ZNF234: variants seen among roughly 807,000 people sequenced by gnomAD.
The protein encoded by ZNF234 is zinc finger protein 234.
In ZNF234, 4 loss-of-function variants were observed where a neutral mutation model predicts 10.3. The observed-to-expected ratio is 0.39, with a 90% CI of 0.19 to 0.89. The LOEUF is 0.89. Among genes scored for constraint, ZNF234 ranks in the 40% least tolerant of loss-of-function variants. The pLI is 0.38. For synonymous variants in ZNF234, 258 were observed against 280.1 expected, an observed-to-expected ratio of 0.92 and a Z score of 0.79; for missense variants, 711 against 836.1, an observed-to-expected ratio of 0.85 and a Z score of 1.85.
intron 5 of ZNF234, among the ~76,000 whole-genome samples, chr19:44,150,923 A>G (rs1034497839): frequency 6.6e-6 from 1 of 151,600 alleles, no homozygotes; most frequent in Non-Finnish European, 1.5e-5. Flanking sequence ...AGTCCCAGCT[A>G]CTCAGGAAGC....
chr19:44,150,117 T>C (rs543738133), intron 4 of ZNF234: 4 of 184,214 alleles, frequency 2.2e-5, no homozygotes, highest in Non-Finnish European at 4.5e-5. Context: ...GCTTTTTATG[T>C]TATATAAAAA....
chr19:44,155,268 T>A (rs1362734900), intron 5 of ZNF234, among the ~76,000 whole-genome samples: 1 of 152,160 alleles, frequency 6.6e-6, no homozygotes, highest in Non-Finnish European at 1.5e-5. Context: ...ATATGGTTGA[T>A]CCTTGAACAA....
chr19:44,155,755 A>T (rs1599701866), intron 5 of ZNF234, among the ~76,000 whole-genome samples: 1 of 151,234 alleles, frequency 6.6e-6, no homozygotes, highest in Admixed American at 6.6e-5. Flanking sequence ...TATTATCTAC[A>T]TTTTTTTTTA....
chr19:44,145,999 T>C (rs1968580915), intron 3 of ZNF234, among the ~76,000 whole-genome samples: 1 of 152,236 alleles, frequency 6.6e-6, no homozygotes, highest in Admixed American at 6.5e-5. Flanking sequence ...CTTCTTCCTC[T>C]TAAACAGGTG....
rs771457627 is a variant in ZNF234 at position 44,157,993 on chromosome 19, G to T, written c.1977G>T (p.Lys659Asn). 6.2e-7 allele frequency: 1 copy of T among 1,613,946 alleles called. No individual in the cohort carries two copies. Among genetic ancestry groups the T allele is most frequent in the Non-Finnish European group, 8.5e-7 (1 of 1,179,890 alleles). Residue 659 changes from lysine (K) to asparagine (N), a missense_variant, in exon 6 of 6, where the codon AAG becomes AAT. Lys to Asn is a moderately conservative substitution (Grantham distance 94). Transcript: ENST00000426739. ...CTTACAAATGTGAGATATGTGGTAA[G>T]AGGTTCAGCTGGCGATCAAATCTTG... ...EKPYKCEICG[K>N]RFSWRSNLVS... is the part of the protein sequence containing the mutation.
Position 44,156,383 on chromosome 19 carries a change from C to T in ZNF234, c.367C>T (p.Arg123Trp), listed in dbSNP as rs910731020. The stretch of plus-strand genomic sequence containing the variant: ...TGAAGACTCTATGATAAGTATTTCT[C>T]GGTTCCCCAGACAAGGTGATTTGTC... ...KYEDSMISISRFPRQGDLSCQ... is the reference protein window; with the variant it reads ...KYEDSMISISWFPRQGDLSCQ... Residue 123 changes from arginine (R) to tryptophan (W), a missense_variant, in exon 6 of 6, where the codon CGG becomes TGG. Physicochemically the swap from Arg to Trp is moderately radical, Grantham distance 101. Transcript: ENST00000426739. 2.0e-5 allele frequency: 32 copies of T among 1,613,350 alleles called. No homozygotes were observed. The highest frequency in any genetic ancestry group is 1.5e-4 in the Admixed American group (9 of 59,898).
Position 44,157,962 on chromosome 19 carries a change from A to G in ZNF234, c.1946A>G (p.Glu649Gly), listed in dbSNP as rs1313723504. ...TATCATAGGCGAGTTCACACTGGGGAAAAACCTTACAAATGTGAGATATGT... is the reference window on the plus strand; with the variant it reads ...TATCATAGGCGAGTTCACACTGGGGGAAAACCTTACAAATGTGAGATATGT... The part of the protein sequence containing the change: ...LQYHRRVHTG[E>G]KPYKCEICGK... The change falls in exon 6 of 6, where the codon GAA becomes GGA. Residue 649 changes from glutamate (E) to glycine (G), a missense_variant. Transcript: ENST00000426739. 16 of 1,613,894 alleles carry G rather than the reference A, an allele frequency of 9.9e-6. No homozygotes were observed. Among genetic ancestry groups the G allele is most frequent in the Admixed American group, 1.7e-5 (1 of 59,988 alleles).
intron 1 of ZNF234, chr19:44,142,067 T>C (rs1007674711): frequency 3.9e-5 from 6 of 152,224 alleles, no homozygotes; most frequent in African/African-American, 1.4e-4. Flanking sequence ...TGTCACTTGG[T>C]GAGTGGTGGT....
At position 44,158,814 on chromosome 19, in the gene ZNF234, T is replaced by G. The variant is rs1347732274; in HGVS notation, c.*695T>G. ...ACTGATGAAGGTGCCAGAATTGATG[T>G]CCATTAGACTGTAAGCTCCATGGGG... On this transcript the variant is annotated 3_prime_UTR_variant, in exon 6 of 6. Coordinates refer to ENST00000426739, the MANE Select transcript of ZNF234 (RefSeq NM_006630.3). 1 of 153,536 alleles carries G rather than the reference T, an allele frequency of 6.5e-6. No individual in the cohort carries two copies. The highest frequency in any genetic ancestry group is 1.4e-5 in the Non-Finnish European group (1 of 69,094). 9.5% of individuals were successfully genotyped at this position (153,536 alleles called of 1,614,324 possible).
rs1274559409 is a variant in ZNF234 at position 44,146,814 on chromosome 19, T to C, written c.16-1957T>C. Among the ~76,000 whole-genome samples the C allele has an allele frequency of 2.3e-3, 134 of 59,280 alleles. 3 individuals are homozygous for C. Among genetic ancestry groups the C allele is most frequent in the African/African-American group, 6.8e-3 (123 of 18,044 alleles). 38.9% of individuals were successfully genotyped at this position (59,280 alleles called of 152,430 possible). A position where few individuals can be genotyped will look rare whatever the true frequency, so the allele number is the denominator to read the frequency against. On this transcript the variant is annotated intron_variant, in intron 3 of 5. Transcript: ENST00000426739. ...GCATTCTCTCTCTCTCTCTTTTTTT[T>C]TTTTTTTTTTTTTTTTTTTGAGACA...
chr19:44,157,751 T>G lies in ZNF234; in HGVS notation c.1735T>G (p.Trp579Gly). ...TGGGGAGTGTGGAAAGGGCTTCAAGTGGAGCTTGAACCTTGACATGCATCA... is the reference window on the plus strand; with the variant it reads ...TGGGGAGTGTGGAAAGGGCTTCAAGGGGAGCTTGAACCTTGACATGCATCA... ...KCGECGKGFKWSLNLDMHQRV... is the reference protein window; with the variant it reads ...KCGECGKGFKGSLNLDMHQRV... The change falls in exon 6 of 6, where the codon TGG becomes GGG. Residue 579 changes from tryptophan to glycine, a missense_variant. Coordinates refer to ENST00000426739, the MANE Select transcript of ZNF234 (RefSeq NM_006630.3). 2 of 1,613,480 alleles carry G rather than the reference T, an allele frequency of 1.2e-6. No individual in the cohort carries two copies. Among genetic ancestry groups the G allele is most frequent in the Non-Finnish European group, 1.7e-6 (2 of 1,179,816 alleles).
chr19:44,156,115 A>G (rs1356848530), intron 5 of ZNF234, 137 bp from the exon 6 acceptor site: 2 of 732,956 alleles, frequency 2.7e-6, no homozygotes, highest in Admixed American at 3.3e-5. Context: ...ATCAGAGATC[A>G]TGATACACAG....
chr19:44,144,296 C>T (rs777992847), intron 2 of ZNF234, among the ~76,000 whole-genome samples: 5 of 152,210 alleles, frequency 3.3e-5, no homozygotes, highest in Non-Finnish European at 7.3e-5. Flanking sequence ...TTTCACTCAG[C>T]ATAGTGTTTC....
chr19:44,145,265 GTAC>G (rs1407975848), intron 3 of ZNF234, among the ~76,000 whole-genome samples: 17 of 152,010 alleles, frequency 1.1e-4, no homozygotes, highest in African/African-American at 4.1e-4. Flanking sequence ...TTTTCCTTAA[GTAC>G]TAAATAATGT....
chr19:44,152,223 T>TC (rs1267861327), intron 5 of ZNF234, among the ~76,000 whole-genome samples: 1 of 152,148 alleles, frequency 6.6e-6, no homozygotes, highest in Non-Finnish European at 1.5e-5. Flanking sequence ...CCCCTCTCTC[T>TC]CCCCACTGGA....
chr19:44,144,891 C>A (rs1211342310), intron 3 of ZNF234, among the ~76,000 whole-genome samples: 1 of 152,184 alleles, frequency 6.6e-6, no homozygotes, highest in Non-Finnish European at 1.5e-5. Context: ...ATTCAACCAA[C>A]CACAGATTGA....
At chr19:44,142,112 C>T (rs1968479487) in intron 1 of ZNF234, 1 of 152,382 alleles carries the variant, frequency 6.6e-6, no homozygotes, top group Non-Finnish European at 1.5e-5. Flanking sequence ...TGTTAGGTCC[C>T]CCGGTGGGGT....
intron 5 of ZNF234, among the ~76,000 whole-genome samples, chr19:44,155,548 GA>G (rs1599701740): frequency 1.3e-5 from 2 of 152,308 alleles, no homozygotes; most frequent in East Asian, 3.9e-4. Context: ...CTGTCTCAGG[GA>G]TGGCAGAGAT....
chr19:44,156,615 G>A lies in ZNF234; in HGVS notation c.599G>A (p.Gly200Glu). Residue 200 changes from glycine to glutamate, a missense_variant, in exon 6 of 6, where the codon GGA (glycine) becomes GAA (glutamate). Gly to Glu is a moderately conservative substitution (Grantham distance 98). Coordinates refer to ENST00000426739, the MANE Select transcript of ZNF234 (RefSeq NM_006630.3). ...CATATTCATCAAAGAGTCCACATGG[G>A]AGAGAAATGCTATAAGTGTGACGTG... Reference protein sequence around the residue: ...ALHIHQRVHMGEKCYKCDVCG... With the variant: ...ALHIHQRVHMEEKCYKCDVCG... The A allele has an allele frequency of 6.2e-7, 1 of 1,614,192 alleles. No homozygotes were observed. The highest frequency in any genetic ancestry group is 8.5e-7 in the Non-Finnish European group (1 of 1,180,020).
Sources: allele counts gnomAD v4.1 joint callset (sites outside exome capture counted in the v4.1 genomes callset), GRCh38; gene constraint gnomAD v4.1.1; transcripts MANE v1.5; gene names NCBI Gene and HGNC (gene_info 2026-07-23, HGNC 2026-07-21).